The following TENM1 variants were observed in gnomAD, a reference collection of about 807,000 sequenced individuals.
The protein encoded by TENM1 is teneurin-1.
TENM1 carries 35 observed loss-of-function variants against 174.8 expected under a neutral mutation model. The observed-to-expected ratio is 0.20, with a 90% CI of 0.15 to 0.27. TENM1 has a LOEUF of 0.27. Ranked by LOEUF, TENM1 falls within the 10% of genes least tolerant of loss-of-function variation. The probability of loss-of-function intolerance (pLI) is 1.00; values close to 1 mark genes in which losing one functional copy is unlikely to be tolerated. For missense variants in TENM1, 1,633 were observed against 2,130.1 expected (o/e 0.77, Z 4.59); for synonymous variants, 781 against 798.7 (o/e 0.98, Z 0.37).
chrX:124,911,165 C>T (rs1274718967), intron 1 of TENM1, among the ~76,000 whole-genome samples: 3 of 111,314 alleles, frequency 2.7e-5, no homozygotes, highest in Non-Finnish European at 5.6e-5. Flanking sequence ...ATCTTCCTGC[C>T]TCCACCTCCC....
chrX:124,569,945 C>G (rs1389840042), intron 11 of TENM1, among the ~76,000 whole-genome samples: 1 of 111,251 alleles, frequency 9.0e-6, no homozygotes, highest in Non-Finnish European at 1.9e-5. Context: ...ATGATTGGCT[C>G]AGACCAATAA....
chrX:125,160,711 G>C, the TENM1 span, among the ~76,000 whole-genome samples: 4 of 109,547 alleles, frequency 3.7e-5, no homozygotes, highest in Admixed American at 3.9e-4. Context: ...TTATCTATAT[G>C]CTTCAAGAAA....
the TENM1 span, among the ~76,000 whole-genome samples, chrX:124,995,281 T>C: frequency 0.013 from 1,481 of 111,351 alleles, 37 homozygotes; most frequent in African/African-American, 0.044. Context: ...TTTATATGTG[T>C]AATTATTTTA....
At chrX:124,758,994 A>G (rs1262759355) in intron 3 of TENM1, among the ~76,000 whole-genome samples, 2 of 112,011 alleles carry the variant, frequency 1.8e-5, no homozygotes, top group Admixed American at 9.5e-5. Flanking sequence ...TGTACCATAC[A>G]CTTAAAATTG....
intron 5 of TENM1, among the ~76,000 whole-genome samples, chrX:124,678,861 A>G (rs762489533): frequency 9.0e-6 from 1 of 111,165 alleles, no homozygotes; most frequent in Non-Finnish European, 1.9e-5. Context: ...AGGAGACAGG[A>G]CCCCTTTTCA....
chrX:124,631,549 T>G (rs2050755620), intron 11 of TENM1, among the ~76,000 whole-genome samples: 1 of 111,398 alleles, frequency 9.0e-6, no homozygotes, highest in African/African-American at 3.3e-5. Flanking sequence ...TTCTATAATT[T>G]ATGTGAGACA....
chrX:124,947,401 C>A (rs1330027582), intron 1 of TENM1, among the ~76,000 whole-genome samples: 1 of 112,035 alleles, frequency 8.9e-6, no homozygotes, highest in Non-Finnish European at 1.9e-5. Flanking sequence ...GGGCATGATA[C>A]TTAGTGTCCA....
At chrX:124,874,512 A>G (rs2057164482) in intron 3 of TENM1, among the ~76,000 whole-genome samples, 1 of 110,167 alleles carries the variant, frequency 9.1e-6, no homozygotes, top group Admixed American at 9.7e-5. Context: ...TATGCTACAC[A>G]TATTTTAATA....
At chrX:124,756,406 A>G (rs1363388455) in intron 3 of TENM1, among the ~76,000 whole-genome samples, 4 of 102,889 alleles carry the variant, frequency 3.9e-5, no homozygotes, top group African/African-American at 1.6e-4. Context: ...TTTTTTTCAA[A>G]GTTTTTAACT....
chrX:124,868,507 A>C (rs1441672444), intron 3 of TENM1, among the ~76,000 whole-genome samples: 1 of 111,531 alleles, frequency 9.0e-6, no homozygotes, highest in Non-Finnish European at 1.9e-5. Flanking sequence ...TAAATCTAAG[A>C]CCTCAGCCTA....
At chrX:125,046,341 A>AAGCCATCTAAG in the TENM1 span, among the ~76,000 whole-genome samples, 2 of 112,562 alleles carry the variant, frequency 1.8e-5, no homozygotes, top group Non-Finnish European at 3.8e-5. Flanking sequence ...GAGATATCTT[A>AAGCCATCTAAG]GATGGCTTGC....
chrX:124,930,636 C>T (rs2058156511), intron 1 of TENM1, among the ~76,000 whole-genome samples: 1 of 112,115 alleles, frequency 8.9e-6, no homozygotes, highest in Non-Finnish European at 1.9e-5. Context: ...GGTATGCTTG[C>T]TTCTTTTGTA....
chrX:124,863,955 C>A (rs951352586), intron 3 of TENM1, among the ~76,000 whole-genome samples: 1 of 112,472 alleles, frequency 8.9e-6, no homozygotes, highest in African/African-American at 3.2e-5. Flanking sequence ...GAACAAGAAT[C>A]TCTGCGTGAT....
chrX:124,919,428 G>A (rs766949622), intron 1 of TENM1, among the ~76,000 whole-genome samples: 1 of 112,127 alleles, frequency 8.9e-6, no homozygotes, highest in Non-Finnish European at 1.9e-5. Flanking sequence ...ATGTAACATT[G>A]AGCACAAAAA....
At chrX:124,864,618 C>A (rs1181204245) in intron 3 of TENM1, among the ~76,000 whole-genome samples, 1 of 110,727 alleles carries the variant, frequency 9.0e-6, no homozygotes, top group Admixed American at 9.6e-5. Flanking sequence ...TAGAAAATAA[C>A]CTTAAAGGGG....
intron 4 of TENM1, among the ~76,000 whole-genome samples, chrX:124,729,393 T>C (rs1167929120): frequency 8.9e-6 from 1 of 112,474 alleles, no homozygotes; most frequent in African/African-American, 3.2e-5. Context: ...CTGTCATTTT[T>C]GACACAAAAC....
chrX:124,683,072 G>C (rs1157471747), intron 5 of TENM1, among the ~76,000 whole-genome samples: 1 of 111,386 alleles, frequency 9.0e-6, no homozygotes, highest in Non-Finnish European at 1.9e-5. Context: ...ACTAAATGAG[G>C]AGTATATGGT....
At chrX:124,807,878 T>TAAAC (rs1284567007) in intron 3 of TENM1, among the ~76,000 whole-genome samples, 13 of 85,171 alleles carry the variant, frequency 1.5e-4, no homozygotes, top group African/African-American at 5.1e-4. Context: ...GAAAATCACT[T>TAAAC]ACACACACAC....
chrX:124,950,297 T>C (rs1208549450), intron 1 of TENM1, among the ~76,000 whole-genome samples: 1 of 111,919 alleles, frequency 8.9e-6, no homozygotes, highest in Admixed American at 9.5e-5. Flanking sequence ...CAATCAACTT[T>C]TTAATTCAAT....
Sources: allele counts gnomAD v4.1 joint callset (sites outside exome capture counted in the v4.1 genomes callset), GRCh38; gene constraint gnomAD v4.1.1; transcripts MANE v1.5; gene names NCBI Gene and HGNC (gene_info 2026-07-23, HGNC 2026-07-21).